Variants in ZSCAN30 observed in about 807,000 individuals in gnomAD.
The protein encoded by ZSCAN30 is zinc finger and SCAN domain containing 30.
ZSCAN30 carries 37 observed loss-of-function variants against 44.3 expected under a neutral mutation model. That is an observed-to-expected ratio of 0.84 (90% CI 0.64 to 1.10). ZSCAN30 has a LOEUF of 1.10. Among genes scored for constraint, ZSCAN30 ranks in the 50% least tolerant of loss-of-function variants. The pLI is 0.00. For synonymous variants in ZSCAN30, 181 were observed against 204.6 expected (o/e 0.88, Z 0.98); for missense variants, 549 against 582.6 (o/e 0.94, Z 0.59).
intron 3 of ZSCAN30, chr18:35,261,384 G>A (rs1045689287): frequency 6.6e-6 from 1 of 152,010 alleles, no homozygotes; most frequent in Admixed American, 6.5e-5. Context: ...TTCTAATTCT[G>A]TGAAGAATGT....
intron 1 of ZSCAN30, among the ~76,000 whole-genome samples, chr18:35,278,567 T>G (rs1198751744): frequency 1.3e-5 from 2 of 152,210 alleles, no homozygotes; most frequent in African/African-American, 4.8e-5. Context: ...ATCACACACC[T>G]AATCGCTTCA....
Position 35,263,535 on chromosome 18 carries a change from C to T in ZSCAN30, c.531G>A (p.Glu177=), listed in dbSNP as rs1264562140. The T allele has an allele frequency of 3.1e-6, 5 of 1,614,220 alleles. No individual in the cohort carries two copies. Among genetic ancestry groups the T allele is most frequent in the Non-Finnish European group, 4.2e-6 (5 of 1,180,040 alleles). Residue 177 remains glutamate (E), a synonymous_variant, in exon 3 of 4, where the codon GAG becomes GAA. Transcript: ENST00000333206. ...CACCTCTCTCCTGGAAAGCCTGGGA[C>T]TCCTGAGTCTCAGTCTTGCACTGGT... The part of the protein sequence containing the change: ...LENQCKTETQ[E]SQAFQERDGR...
chr18:35,263,095 GC>G (rs2044060577), intron 3 of ZSCAN30: 1 of 302,484 alleles, frequency 3.3e-6, no homozygotes. Context: ...TGGATATTTA[GC>G]CAGGCATGGT....
At chr18:35,288,066 T>C (rs1364915649) in intron 1 of ZSCAN30, among the ~76,000 whole-genome samples, 1 of 151,986 alleles carries the variant, frequency 6.6e-6, no homozygotes, top group Non-Finnish European at 1.5e-5. Flanking sequence ...GGAGAAAGGG[T>C]GTCACCGCGT....
intron 1 of ZSCAN30, among the ~76,000 whole-genome samples, chr18:35,287,892 C>G (rs1303181033): frequency 8.0e-6 from 1 of 124,752 alleles, no homozygotes; most frequent in African/African-American, 2.8e-5. Context: ...TTTTTTTTTG[C>G]AACAGGGTCC....
At chr18:35,267,487 C>CCGGCGG (rs71876465) in intron 1 of ZSCAN30, 7 of 151,630 alleles carry the variant, frequency 4.6e-5, no homozygotes, top group African/African-American at 1.7e-4. Flanking sequence ...CTTCGCTCTA[C>CCGGCGG]CGGCGGCGGC....
intron 1 of ZSCAN30, among the ~76,000 whole-genome samples, chr18:35,287,736 A>G (rs2044578042): frequency 2.0e-5 from 3 of 152,186 alleles, no homozygotes; most frequent in African/African-American, 4.8e-5. Flanking sequence ...CAAATATCAT[A>G]CAAAAAGCAT....
At chr18:35,282,749 C>G (rs2044481274) in intron 1 of ZSCAN30, 1 of 152,200 alleles carries the variant, frequency 6.6e-6, no homozygotes, top group Non-Finnish European at 1.5e-5. Context: ...GAAGGATACC[C>G]TCACCACCAA....
chr18:35,252,457 A>G lies in ZSCAN30; in HGVS notation c.*993T>C, dbSNP rs976953306. 1 of 152,106 alleles carries G rather than the reference A, an allele frequency of 6.6e-6. No individual in the cohort carries two copies. The highest frequency in any genetic ancestry group is 2.4e-5 in the African/African-American group (1 of 41,408). The allele number at this position is 152,106 out of a possible 1,614,324, so 9.4% of individuals were successfully genotyped here. A position where few individuals can be genotyped will look rare whatever the true frequency, so the allele number is the denominator to read the frequency against. Reference sequence around the variant, plus strand: ...TTACCAGGCTTGCAGGCCCTGAGCTATTATACTTGAGGGCAATAAATATTT... The same window carrying G: ...TTACCAGGCTTGCAGGCCCTGAGCTGTTATACTTGAGGGCAATAAATATTT... On this transcript the variant is annotated 3_prime_UTR_variant, in exon 4 of 4. Transcript: ENST00000333206.
Position 35,254,038 on chromosome 18 carries a change from C to G in ZSCAN30, c.897G>C (p.Lys299Asn). 1 of 1,614,200 alleles carries G rather than the reference C, an allele frequency of 6.2e-7. No homozygotes were observed. Among genetic ancestry groups the G allele is most frequent in the Non-Finnish European group, 8.5e-7 (1 of 1,180,020 alleles). The change falls in exon 4 of 4, where the codon AAG becomes AAC. Residue 299 changes from lysine to asparagine, a missense_variant. Transcript: ENST00000333206. ...ITQQSVDTRE[K>N]LYECFDCGKA... is the part of the protein sequence containing the mutation. ...TCCCACAGTCAAAGCACTCATAGAG[C>G]TTTTCCCTAGTGTCAACGCTCTGTT...
Position 35,254,198 on chromosome 18 carries a change from T to G in ZSCAN30, c.737A>C (p.Lys246Thr). 1.2e-6 allele frequency: 2 copies of G among 1,614,182 alleles called. No individual in the cohort carries two copies. The highest frequency in any genetic ancestry group is 1.7e-6 in the Non-Finnish European group (2 of 1,180,020). Residue 246 changes from lysine (K) to threonine (T), a missense_variant, in exon 4 of 4, where the codon AAA becomes ACA. Transcript: ENST00000333206. Reference protein sequence around the residue: ...KKQKGNAAGNKISQLPSQDRH... With the variant: ...KKQKGNAAGNTISQLPSQDRH... ...GTCCTGGGAAGGAAGCTGACTGATT[T>G]TGTTCCCTGCAGCATTTCCCTTTTG...
chr18:35,268,861 A>G (rs2044216801), intron 1 of ZSCAN30: 2 of 152,252 alleles, frequency 1.3e-5, no homozygotes, highest in African/African-American at 4.8e-5. Context: ...TAATTTGTAG[A>G]AAAGAAAAGG....
chr18:35,255,686 A>G (rs2143659624), intron 3 of ZSCAN30: 1 of 154,438 alleles, frequency 6.5e-6, no homozygotes, highest in East Asian at 1.9e-4. Flanking sequence ...CAAACACAAC[A>G]ATAAAGCACC....
At chr18:35,274,102 G>A (rs777432321) in intron 1 of ZSCAN30, among the ~76,000 whole-genome samples, 22 of 152,168 alleles carry the variant, frequency 1.4e-4, no homozygotes, top group Admixed American at 6.5e-4. Flanking sequence ...TGCAAGCTCC[G>A]TCTCCTGGGT....
At chr18:35,288,992 A>C (rs10438943) in intron 1 of ZSCAN30, among the ~76,000 whole-genome samples, 1 of 151,468 alleles carries the variant, frequency 6.6e-6, no homozygotes, top group East Asian at 1.9e-4. Flanking sequence ...TTTTGAGACA[A>C]AGTCTCGCTT....
chr18:35,269,864 A>G (rs562680280), intron 1 of ZSCAN30: 1 of 152,146 alleles, frequency 6.6e-6, no homozygotes, highest in African/African-American at 2.4e-5. Context: ...AAAAGACTGT[A>G]AAGTTGTCTT....
At chr18:35,272,191 G>A (rs1291667242) in intron 1 of ZSCAN30, among the ~76,000 whole-genome samples, 1 of 152,202 alleles carries the variant, frequency 6.6e-6, no homozygotes, top group East Asian at 1.9e-4. Flanking sequence ...CTACCACCTG[G>A]CTAATTTTTT....
At chr18:35,288,999 G>A (rs377264084) in intron 1 of ZSCAN30, among the ~76,000 whole-genome samples, 1 of 152,138 alleles carries the variant, frequency 6.6e-6, no homozygotes, top group African/African-American at 2.4e-5. Flanking sequence ...ACAAAGTCTC[G>A]CTTTGTCACC....
chr18:35,274,357 GAGAA>G (rs1429428034), intron 1 of ZSCAN30, among the ~76,000 whole-genome samples: 1 of 152,162 alleles, frequency 6.6e-6, no homozygotes, highest in African/African-American at 2.4e-5. Flanking sequence ...CTCTTCTAGA[GAGAA>G]TCATTGTTTG....
Sources: allele counts gnomAD v4.1 joint callset (sites outside exome capture counted in the v4.1 genomes callset), GRCh38; gene constraint gnomAD v4.1.1; transcripts MANE v1.5; gene names NCBI Gene and HGNC (gene_info 2026-07-23, HGNC 2026-07-21).